Variants in DLGAP1 observed in about 807,000 individuals in gnomAD.
DLGAP1 encodes the protein disks large-associated protein 1.
Under a neutral mutation model 90.8 loss-of-function variants are expected in DLGAP1, and 11 were observed. The observed-to-expected ratio is 0.12, with a 90% CI of 0.08 to 0.20. The LOEUF (loss-of-function observed/expected upper bound fraction) is 0.20. DLGAP1 is among the 10% of genes least tolerant of loss of function. The probability of loss-of-function intolerance (pLI) is 1.00; values close to 1 mark genes in which losing one functional copy is unlikely to be tolerated. For synonymous variants in DLGAP1, 558 were observed against 540.7 expected (o/e 1.03, Z -0.44); for missense variants, 1,050 against 1,333.8 (o/e 0.79, Z 3.31).
chr18:3,508,537 G>T, intron 11 of DLGAP1, 33 bp downstream of exon 11: 1 of 1,520,128 alleles, frequency 6.6e-7, no homozygotes, highest in South Asian at 1.2e-5. Context: ...CATGGCACTA[G>T]CAGGGAAATT....
At chr18:3,856,414 A>C (rs1203030963) in intron 4 of DLGAP1, among the ~76,000 whole-genome samples, 1 of 152,158 alleles carries the variant, frequency 6.6e-6, no homozygotes. Flanking sequence ...TTTTTTGTTA[A>C]TTAGATGAGA....
intron 5 of DLGAP1, among the ~76,000 whole-genome samples, chr18:3,779,629 T>C (rs769338405): frequency 6.6e-6 from 1 of 152,158 alleles, no homozygotes; most frequent in Non-Finnish European, 1.5e-5. Flanking sequence ...GGCAATATTC[T>C]ATCTATTGTT....
chr18:3,953,105 A>G (rs1328567486), intron 3 of DLGAP1, among the ~76,000 whole-genome samples: 1 of 152,216 alleles, frequency 6.6e-6, no homozygotes. Context: ...TTTACCTCAG[A>G]TTTTTGAGTA....
In DLGAP1 at chr18:3,820,056, T is replaced by C. The variant is rs183319855; in HGVS notation, c.958-5783A>G. Among the ~76,000 whole-genome samples, 15 of 152,274 alleles carry C rather than the reference T, an allele frequency of 9.9e-5. No individual in the cohort carries two copies. In the East Asian group the frequency reaches 2.5e-3, roughly 25 times the overall value. ...CTGCAGTTATCAAAGTGTAGCTAAA[T>C]AGATTACAGTCTGTGCCAATGATGG... is the stretch of plus-strand genomic sequence containing the variant. On this transcript the variant is annotated intron_variant, in intron 4 of 12. Coordinates refer to ENST00000315677, the MANE Select transcript of DLGAP1 (RefSeq NM_004746.4).
Position 4,105,841 on chromosome 18 carries a change from T to C in DLGAP1, c.-159+45339A>G, listed in dbSNP as rs1036001169. ...GTCAGGAGATCGAGACCATCCTGGCTAACACGGTGAAACCCCGTCTCTACT... is the reference window on the plus strand; with the variant it reads ...GTCAGGAGATCGAGACCATCCTGGCCAACACGGTGAAACCCCGTCTCTACT... On this transcript the variant is annotated intron_variant, in intron 2 of 12. Coordinates refer to ENST00000315677, the MANE Select transcript of DLGAP1 (RefSeq NM_004746.4). Among the ~76,000 whole-genome samples the C allele has an allele frequency of 1.3e-5, 2 of 151,688 alleles. 1 individual carries two copies. Among genetic ancestry groups the C allele is most frequent in the East Asian group, 3.9e-4 (2 of 5,110 alleles).
chr18:3,832,405 A>G (rs1436077860), intron 4 of DLGAP1, among the ~76,000 whole-genome samples: 1 of 152,176 alleles, frequency 6.6e-6, no homozygotes, highest in Non-Finnish European at 1.5e-5. Flanking sequence ...TCAGATATTC[A>G]TGCTTCCTCC....
chr18:3,974,760 C>T (rs1372630), intron 3 of DLGAP1, among the ~76,000 whole-genome samples: 73,047 of 151,728 alleles, frequency 0.48, 18,077 homozygotes, highest in African/African-American at 0.59. Flanking sequence ...CAGTATAAGA[C>T]TCACACCGAT....
intron 4 of DLGAP1, chr18:3,845,605 A>G (rs2068961813): frequency 1.0e-6 from 1 of 985,302 alleles, no homozygotes; most frequent in African/African-American, 1.7e-5. Context: ...TCATATTGCT[A>G]TCTTTCATTA....
At position 4,094,607 on chromosome 18, in the gene DLGAP1, C is replaced by CTT. The variant is rs35060422; in HGVS notation, c.-159+56571_-159+56572dup. On this transcript the variant is annotated intron_variant, in intron 2 of 12. Transcript: ENST00000315677. The stretch of plus-strand genomic sequence containing the variant: ...TTCCTTCCTTCCTTCCTTTCTCTTT[C>CTT]TTTTTTTTTTTTTTTTGTCTTGTTT... Among the ~76,000 whole-genome samples, 48 of 124,836 alleles carry CTT rather than the reference C, an allele frequency of 3.8e-4. 1 individual carries two copies. Among genetic ancestry groups the CTT allele is most frequent in the Non-Finnish European group, 6.2e-4 (37 of 60,030 alleles). The allele number at this position is 124,836 out of a possible 152,430, so 81.9% of individuals were successfully genotyped here. A position where few individuals can be genotyped will look rare whatever the true frequency, so the allele number is the denominator to read the frequency against.
intron 1 of DLGAP1, among the ~76,000 whole-genome samples, chr18:4,393,736 G>C (rs1164922619): frequency 6.6e-6 from 1 of 152,118 alleles, no homozygotes; most frequent in East Asian, 1.9e-4. Flanking sequence ...TCGGCACCAG[G>C]GACTGGTTTC....
intron 5 of DLGAP1, among the ~76,000 whole-genome samples, chr18:3,767,917 T>C (rs545558369): frequency 6.6e-6 from 1 of 152,204 alleles, no homozygotes; most frequent in South Asian, 2.1e-4. Flanking sequence ...AAATTCTAGC[T>C]AGTATGGCAA....
intron 5 of DLGAP1, among the ~76,000 whole-genome samples, chr18:3,756,210 C>T (rs550180600): frequency 2.1e-4 from 32 of 152,042 alleles, no homozygotes; most frequent in African/African-American, 4.6e-4. Context: ...CCACGATGCC[C>T]GGCTAATCTT....
At chr18:4,191,211 T>C (rs2077393682) in intron 1 of DLGAP1, among the ~76,000 whole-genome samples, 1 of 152,184 alleles carries the variant, frequency 6.6e-6, no homozygotes, top group Admixed American at 6.6e-5. Flanking sequence ...CAGGTTTACA[T>C]TGATTTTGTT....
chr18:4,159,768 T>G (rs984727922), intron 1 of DLGAP1, among the ~76,000 whole-genome samples: 1 of 152,218 alleles, frequency 6.6e-6, no homozygotes, highest in East Asian at 1.9e-4. Context: ...TTCATTTCTT[T>G]AAAGTTCACC....
At chr18:4,133,934 AG>A (rs1356993245) in intron 2 of DLGAP1, among the ~76,000 whole-genome samples, 1 of 151,958 alleles carries the variant, frequency 6.6e-6, no homozygotes, top group African/African-American at 2.4e-5. Flanking sequence ...CTGGACAAGT[AG>A]AGGAGAAAGA....
chr18:4,261,136 G>T (rs1156914207), intron 1 of DLGAP1, among the ~76,000 whole-genome samples: 2 of 152,200 alleles, frequency 1.3e-5, no homozygotes, highest in African/African-American at 4.8e-5. Flanking sequence ...GGCAGAGTAT[G>T]TCCATGATGG....
chr18:3,904,865 TATA>T (rs1307231165), intron 3 of DLGAP1, among the ~76,000 whole-genome samples: 1 of 152,128 alleles, frequency 6.6e-6, no homozygotes, highest in East Asian at 1.9e-4. Context: ...GTACATAAAA[TATA>T]AAAGTAATAA....
intron 1 of DLGAP1, among the ~76,000 whole-genome samples, chr18:4,423,883 T>A (rs1307119149): frequency 6.9e-6 from 1 of 145,644 alleles, no homozygotes; most frequent in Admixed American, 6.9e-5. Flanking sequence ...GTCAGGCACG[T>A]TGGCTCCCGC....
Position 3,948,206 on chromosome 18 carries a change from T to G in DLGAP1, c.-73+56910A>C, listed in dbSNP as rs1170656073. Among the ~76,000 whole-genome samples the G allele has an allele frequency of 4.6e-5, 7 of 151,610 alleles. No homozygotes were observed. In the East Asian group the frequency reaches 1.4e-3, roughly 29 times the overall value. ...GAAGATCTTTTCCAGGCCAAAGACA[T>G]CCAGTTGATGGCAACCTCATCAATT... is the stretch of plus-strand genomic sequence containing the variant. On this transcript the variant is annotated intron_variant, in intron 3 of 12. Coordinates refer to ENST00000315677, the MANE Select transcript of DLGAP1 (RefSeq NM_004746.4).
Sources: gnomAD v4.1 joint callset for allele counts (sites outside exome capture counted in the v4.1 genomes callset) on GRCh38, gnomAD v4.1.1 for gene constraint, MANE v1.5 for transcripts, NCBI Gene and HGNC (gene_info 2026-07-23, HGNC 2026-07-21) for gene names.